The following SGCZ variants were observed in gnomAD, a reference collection of about 807,000 sequenced individuals.
SGCZ encodes the protein zeta-sarcoglycan.
A neutral mutation model predicts 41.3 loss-of-function variants in SGCZ; 40 were observed. The ratio of observed to expected loss-of-function variants is 0.97; its 90% CI spans 0.75 to 1.26. The LOEUF (loss-of-function observed/expected upper bound fraction) is 1.26, where lower values mean the gene tolerates loss of function less well. Ranked by LOEUF, SGCZ falls within the 50% of genes most tolerant of loss-of-function variation. The pLI is 0.00. For missense variants in SGCZ, 552 were observed against 369.8 expected (o/e 1.49, Z -4.04); for synonymous variants, 206 against 137.5 (o/e 1.50, Z -3.49).
At chr8:14,248,289 G>C (rs1799175123) in intron 3 of SGCZ, among the ~76,000 whole-genome samples, 1 of 152,114 alleles carries the variant, frequency 6.6e-6, no homozygotes, top group Admixed American at 6.5e-5. Flanking sequence ...TAAAAAGCTT[G>C]TGAAACTTTT....
Position 15,170,743 on chromosome 8 carries a change from T to C in SGCZ, c.39+66842A>G, listed in dbSNP as rs1369995380. 4.6e-5 allele frequency among the ~76,000 whole-genome samples: 7 copies of C among 152,214 alleles called. No individual in the cohort carries two copies. In the East Asian group the frequency reaches 1.3e-3, roughly 29 times the overall value. Reference sequence around the variant, plus strand: ...TGCAGTGTTTTAGTATCTTTGTATATAGTCTTACAAGGGATCCATATTACA... The same window carrying C: ...TGCAGTGTTTTAGTATCTTTGTATACAGTCTTACAAGGGATCCATATTACA... On this transcript the variant is annotated intron_variant, in intron 1 of 7. Coordinates refer to ENST00000382080, the MANE Select transcript of SGCZ (RefSeq NM_139167.4).
chr8:14,662,969 T>G (rs1807802862), intron 1 of SGCZ, among the ~76,000 whole-genome samples: 1 of 152,084 alleles, frequency 6.6e-6, no homozygotes. Flanking sequence ...AATCTCAGTC[T>G]TACAGTCTCA....
intron 1 of SGCZ, among the ~76,000 whole-genome samples, chr8:14,737,144 T>TATATATATCTATATATTGGATATATAAG (rs1554490628): frequency 5.8e-5 from 1 of 17,168 alleles, no homozygotes; most frequent in African/African-American, 1.4e-4. Context: ...ATATATAAGA[T>TATATATATCTATATATTGGATATATAAG]ATATATATAT....
At chr8:14,484,179 T>G (rs1435196915) in intron 2 of SGCZ, among the ~76,000 whole-genome samples, 2 of 152,200 alleles carry the variant, frequency 1.3e-5, no homozygotes, top group South Asian at 4.1e-4. Context: ...ATTATGAAAC[T>G]AGCTATACAA....
intron 1 of SGCZ, among the ~76,000 whole-genome samples, chr8:14,834,155 G>T (rs1462229172): frequency 6.6e-6 from 1 of 151,948 alleles, no homozygotes; most frequent in Admixed American, 6.6e-5. Context: ...ATTGTAAATT[G>T]GTATTTTGTA....
chr8:14,688,620 A>G (rs1808696170), intron 1 of SGCZ, among the ~76,000 whole-genome samples: 1 of 152,140 alleles, frequency 6.6e-6, no homozygotes, highest in Non-Finnish European at 1.5e-5. Flanking sequence ...GTTTGAAATC[A>G]GGTAGCGTGA....
intron 2 of SGCZ, among the ~76,000 whole-genome samples, chr8:14,346,539 T>C (rs1422217666): frequency 6.6e-6 from 1 of 152,070 alleles, no homozygotes; most frequent in Non-Finnish European, 1.5e-5. Context: ...AGTTACATAG[T>C]GCATTTTGTT....
chr8:14,269,460 G>A (rs772650412), intron 3 of SGCZ, among the ~76,000 whole-genome samples: 1 of 151,880 alleles, frequency 6.6e-6, no homozygotes, highest in African/African-American at 2.4e-5. Flanking sequence ...TCAAAACGAG[G>A]CACTGCATCA....
intron 1 of SGCZ, among the ~76,000 whole-genome samples, chr8:15,144,568 T>G (rs1445366822): frequency 3.9e-5 from 6 of 152,038 alleles, no homozygotes. Context: ...TTCAAGCGAT[T>G]CTCCTGCCTC....
intron 2 of SGCZ, among the ~76,000 whole-genome samples, chr8:14,514,380 C>A (rs891717390): frequency 1.3e-5 from 2 of 151,922 alleles, no homozygotes; most frequent in Non-Finnish European, 2.9e-5. Context: ...ATTTCCTTGA[C>A]TTTTAGTCCT....
In SGCZ at chr8:15,059,408, A is replaced by G. The variant is rs189253890; in HGVS notation, c.39+178177T>C. 2.9e-3 allele frequency among the ~76,000 whole-genome samples: 439 copies of G among 152,314 alleles called. 3 individuals are homozygous for G. Among genetic ancestry groups the G allele is most frequent in the African/African-American group, 8.8e-3 (364 of 41,590 alleles). On this transcript the variant is annotated intron_variant, in intron 1 of 7. Coordinates refer to ENST00000382080, the MANE Select transcript of SGCZ (RefSeq NM_139167.4). ...AAAATAAGTTTACTTTTTAGTGAAT[A>G]AATTTTCTAAGAATGACAATTACCA...
intron 1 of SGCZ, among the ~76,000 whole-genome samples, chr8:14,955,264 A>G (rs1429886690): frequency 6.6e-6 from 1 of 152,134 alleles, no homozygotes; most frequent in African/African-American, 2.4e-5. Flanking sequence ...AAACCCATCC[A>G]TGTTGATGTG....
At position 14,669,823 on chromosome 8, in the gene SGCZ, T is replaced by C. The variant is rs531004570; in HGVS notation, c.40-114897A>G. On this transcript the variant is annotated intron_variant, in intron 1 of 7. Transcript: ENST00000382080. ...TTGAAATGGGAGTGCAGATATCTCA[T>C]CGAGATCCTCACTTTACTTCCTTTA... is the stretch of plus-strand genomic sequence containing the variant. 2.0e-5 allele frequency among the ~76,000 whole-genome samples: 3 copies of C among 152,144 alleles called. No homozygotes were observed. The East Asian group carries it at 5.8e-4, about 29-fold the overall frequency.
intron 1 of SGCZ, among the ~76,000 whole-genome samples, chr8:14,558,931 C>A (rs1804121590): frequency 6.6e-6 from 1 of 151,900 alleles, no homozygotes; most frequent in Admixed American, 6.6e-5. Flanking sequence ...AATTAGCATC[C>A]CTTTATGATT....
intron 3 of SGCZ, among the ~76,000 whole-genome samples, chr8:14,276,613 T>G (rs1184018632): frequency 6.6e-6 from 1 of 152,204 alleles, no homozygotes; most frequent in Non-Finnish European, 1.5e-5. Flanking sequence ...ACTTCTCACT[T>G]GGACTGTTCT....
intron 1 of SGCZ, among the ~76,000 whole-genome samples, chr8:14,726,088 C>A (rs1437649216): frequency 2.0e-5 from 3 of 151,552 alleles, no homozygotes; most frequent in Non-Finnish European, 4.4e-5. Context: ...GAAACCCTGT[C>A]TCTACTAAAG....
At chr8:14,587,373 C>T (rs1325858617) in intron 1 of SGCZ, among the ~76,000 whole-genome samples, 2 of 120,904 alleles carry the variant, frequency 1.7e-5, no homozygotes, top group African/African-American at 6.1e-5. Flanking sequence ...GCATTTGGAG[C>T]TAAAAAAAAA....
chr8:14,969,159 G>A (rs1227465808), intron 1 of SGCZ, among the ~76,000 whole-genome samples: 1 of 151,990 alleles, frequency 6.6e-6, no homozygotes, highest in African/African-American at 2.4e-5. Flanking sequence ...AATAAAAACA[G>A]CAGGTTAAAT....
At chr8:14,239,993 G>T (rs1034828405) in intron 3 of SGCZ, among the ~76,000 whole-genome samples, 3 of 150,482 alleles carry the variant, frequency 2.0e-5, no homozygotes, top group African/African-American at 7.4e-5. Context: ...GAAGGCAATG[G>T]ATAGTTTACT....
Sources: allele counts gnomAD v4.1 joint callset (sites outside exome capture counted in the v4.1 genomes callset), GRCh38; gene constraint gnomAD v4.1.1; transcripts MANE v1.5; gene names NCBI Gene and HGNC (gene_info 2026-07-23, HGNC 2026-07-21).